Variants in QTRT1 observed in about 807,000 individuals in gnomAD.
QTRT1 encodes queuine tRNA-ribosyltransferase catalytic subunit 1, also known as TGT, 43-KD subunit.
Under a neutral mutation model 44.0 loss-of-function variants are expected in QTRT1, and 41 were observed. The observed-to-expected ratio is 0.93, with a 90% CI of 0.73 to 1.21. The LOEUF is 1.21. Ranked by LOEUF, QTRT1 falls within the 50% of genes most tolerant of loss-of-function variation. QTRT1 has a pLI of 0.00. For synonymous variants in QTRT1, 226 were observed against 237.1 expected (o/e 0.95, Z 0.43); for missense variants, 542 against 575.8 (o/e 0.94, Z 0.60).
chr19:10,703,538 C>T (rs1052836796), intron 3 of QTRT1, among the ~76,000 whole-genome samples: 2 of 152,068 alleles, frequency 1.3e-5, no homozygotes, highest in African/African-American at 4.8e-5. Context: ...GTGCTGGGTG[C>T]GGTGGCCACG....
At position 10,712,156 on chromosome 19, in the gene QTRT1, C is replaced by T. The variant is rs1479698655; in HGVS notation, c.647-5C>T. 4.3e-6 allele frequency: 7 copies of T among 1,612,224 alleles called. No homozygotes were observed. In the African/African-American group the frequency reaches 9.3e-5, roughly 22 times the overall value. The stretch of plus-strand genomic sequence containing the variant: ...TGTGGCCCTCACCTTACCCTGTACC[C>T]TCAGAGATGACCAAGCGAGACGTGC... On this transcript the variant is annotated splice_region_variant and splice_polypyrimidine_tract_variant and intron_variant, in intron 5 of 9. Coordinates refer to ENST00000250237, the MANE Select transcript of QTRT1 (RefSeq NM_031209.3). This position sits in a 1 kb window ranked among gnomAD's most constrained non-coding sequence, Gnocchi z 5.6.
chr19:10,707,950 CTTT>C (rs777900408), intron 5 of QTRT1, among the ~76,000 whole-genome samples: 1 of 141,958 alleles, frequency 7.0e-6, no homozygotes, highest in Admixed American at 7.1e-5. Flanking sequence ...ATTTATTTTA[CTTT>C]TTTTTTTTTT....
At chr19:10,707,246 G>C in intron 3 of QTRT1, 56 bp from the exon 4 acceptor site, 2 of 1,578,390 alleles carry the variant, frequency 1.3e-6, no homozygotes, top group Non-Finnish European at 1.7e-6. Flanking sequence ...GTGACGGCAG[G>C]CTTTCCCCAA....
chr19:10,708,305 C>G (rs1406074278), intron 5 of QTRT1, among the ~76,000 whole-genome samples: 1 of 152,020 alleles, frequency 6.6e-6, no homozygotes, highest in East Asian at 1.9e-4. Flanking sequence ...TGTTGCTCCT[C>G]CTGGAGTGCA....
Position 10,712,658 on chromosome 19 carries a change from G to T in QTRT1, c.861+30G>T, listed in dbSNP as rs764305145. ...GGCTCTGGCAGAAGGAGGTCAGGGCGGGAGACGGGTGGGGGACTAGGGAGG... is the reference window on the plus strand; with the variant it reads ...GGCTCTGGCAGAAGGAGGTCAGGGCTGGAGACGGGTGGGGGACTAGGGAGG... On this transcript the variant is annotated intron_variant, in intron 7 of 9. Transcript: ENST00000250237. This position sits in a 1 kb window ranked among gnomAD's most constrained non-coding sequence, Gnocchi z 5.6. The T allele has an allele frequency of 6.9e-7, 1 of 1,455,456 alleles. No homozygotes were observed. The highest frequency in any genetic ancestry group is 1.8e-5 in the Admixed American group (1 of 55,420). 90.2% of individuals were successfully genotyped at this position (1,455,456 alleles called of 1,614,324 possible). A position where few individuals can be genotyped will look rare whatever the true frequency, so the allele number is the denominator to read the frequency against.
chr19:10,712,367 G>C lies in QTRT1; in HGVS notation c.785+68G>C. On this transcript the variant is annotated intron_variant, in intron 6 of 9. Coordinates refer to ENST00000250237, the MANE Select transcript of QTRT1 (RefSeq NM_031209.3). This position sits in a 1 kb window ranked among gnomAD's most constrained non-coding sequence, Gnocchi z 5.6. ...TGGATTCCTGGGGACCCCCTACCCT[G>C]CTTGGGGAGGTGGCATTTGGGGGAA... 1 of 1,553,972 alleles carries C rather than the reference G, an allele frequency of 6.4e-7. No individual in the cohort carries two copies. The highest frequency in any genetic ancestry group is 8.7e-7 in the Non-Finnish European group (1 of 1,145,278).
chr19:10,705,652 C>T (rs940291263), intron 3 of QTRT1, among the ~76,000 whole-genome samples: 11 of 151,852 alleles, frequency 7.2e-5, no homozygotes, highest in African/African-American at 2.4e-4. Flanking sequence ...TCTCCTGCCT[C>T]AGCCTCCCAA....
intron 3 of QTRT1, among the ~76,000 whole-genome samples, chr19:10,703,706 A>G (rs572404098): frequency 6.6e-6 from 1 of 150,532 alleles, no homozygotes; most frequent in Non-Finnish European, 1.5e-5. Flanking sequence ...TTCAGTAGAG[A>G]TGGGGTTTCA....
Position 10,712,348 on chromosome 19 carries a change from C to T in QTRT1, c.785+49C>T. On this transcript the variant is annotated intron_variant, in intron 6 of 9. Transcript: ENST00000250237. This position sits in a 1 kb window ranked among gnomAD's most constrained non-coding sequence, Gnocchi z 5.6. ...GAGCCCTACCTGTGGGAAGTGGATT[C>T]CTGGGGACCCCCTACCCTGCTTGGG... 6.4e-7 allele frequency: 1 copy of T among 1,574,520 alleles called. No individual in the cohort carries two copies. The highest frequency in any genetic ancestry group is 8.6e-7 in the Non-Finnish European group (1 of 1,159,670).
Position 10,713,094 on chromosome 19 carries a change from C to G in QTRT1, c.1060-24C>G, listed in dbSNP as rs557855264. ...GGGGGTGTCCTAGGTGCGTATGCCC[C>G]ACGCTGACCTCCCCTCCCCGCAGCT... On this transcript the variant is annotated intron_variant, in intron 9 of 9. Coordinates refer to ENST00000250237, the MANE Select transcript of QTRT1 (RefSeq NM_031209.3). This position sits in a 1 kb window ranked among gnomAD's most constrained non-coding sequence, Gnocchi z 4.3. 9 of 1,608,738 alleles carry G rather than the reference C, an allele frequency of 5.6e-6. No homozygotes were observed. The East Asian group carries it at 1.3e-4, about 24-fold the overall frequency.
chr19:10,709,431 G>T (rs1322075178), intron 5 of QTRT1: 1 of 152,080 alleles, frequency 6.6e-6, no homozygotes, highest in Non-Finnish European at 1.5e-5. Flanking sequence ...AAAGAGAATT[G>T]GGCCAGGCAC....
intron 3 of QTRT1, 91 bp from the exon 4 acceptor site, chr19:10,707,211 T>C (rs2068717748): frequency 7.7e-7 from 1 of 1,302,806 alleles, no homozygotes; most frequent in South Asian, 1.2e-5. Flanking sequence ...GGGGATGCTC[T>C]TGGGGAAGTC....
intron 3 of QTRT1, among the ~76,000 whole-genome samples, chr19:10,706,149 C>T (rs998158433): frequency 1.3e-5 from 2 of 151,932 alleles, no homozygotes; most frequent in Admixed American, 6.6e-5. Context: ...CCACTGCGCC[C>T]GGCTGTGGCC....
chr19:10,709,820 G>A (rs2068730634), intron 5 of QTRT1, among the ~76,000 whole-genome samples: 1 of 151,776 alleles, frequency 6.6e-6, no homozygotes, highest in Non-Finnish European at 1.5e-5. Context: ...CTGCACTCCA[G>A]CCTGGGCAAC....
At chr19:10,706,687 TTTTTTTTTTTTTTTTAACAC>T (rs1306549464) in intron 3 of QTRT1, 1 of 6,504 alleles carries the variant, frequency 1.5e-4, no homozygotes, top group Non-Finnish European at 2.3e-4. Flanking sequence ...TTTTTTAACC[TTTTTTTTTTTTTTTTAACAC>T]AGCCTTGCTC....
intron 1 of QTRT1, 116 bp downstream of exon 1, chr19:10,701,819 G>A: frequency 1.3e-6 from 2 of 1,567,354 alleles, no homozygotes; most frequent in Non-Finnish European, 1.7e-6. Flanking sequence ...TGTATTGAGC[G>A]CCCCCAATGA....
chr19:10,702,385 A>C, intron 3 of QTRT1, 131 bp downstream of exon 3: 59 of 967,328 alleles, frequency 6.1e-5, no homozygotes, highest in Non-Finnish European at 8.5e-5. Context: ...GAACCAACTC[A>C]AAGCGGGGGT....
intron 5 of QTRT1, among the ~76,000 whole-genome samples, chr19:10,710,662 C>T (rs980768240): frequency 2.0e-5 from 3 of 151,906 alleles, no homozygotes; most frequent in Non-Finnish European, 4.4e-5. Flanking sequence ...TGGCTCATGC[C>T]TGTAATCCTG....
At chr19:10,707,435 C>T in intron 4 of QTRT1, 55 bp downstream of exon 4, 2 of 1,609,880 alleles carry the variant, frequency 1.2e-6, no homozygotes, top group Middle Eastern at 1.7e-4. Flanking sequence ...GATCCTGGTC[C>T]CTGTAGCCTT....
Sources: allele counts gnomAD v4.1 joint callset (sites outside exome capture counted in the v4.1 genomes callset), GRCh38; gene constraint gnomAD v4.1.1; non-coding constraint Gnocchi (gnomAD v3.1); transcripts MANE v1.5; gene names NCBI Gene and HGNC (gene_info 2026-07-23, HGNC 2026-07-21).